Variants in ADHFE1 observed in about 807,000 individuals in gnomAD.
ADHFE1 encodes alcohol dehydrogenase iron containing 1.
Under a neutral mutation model 54.8 loss-of-function variants are expected in ADHFE1, and 37 were observed. The ratio of observed to expected loss-of-function variants is 0.68; its 90% CI spans 0.52 to 0.89. The LOEUF is 0.89. Among genes scored for constraint, ADHFE1 ranks in the 40% least tolerant of loss-of-function variants. ADHFE1 has a pLI of 0.00. For missense variants in ADHFE1, 601 were observed against 591.2 expected (o/e 1.02, Z -0.17); for synonymous variants, 203 against 229.3 (o/e 0.89, Z 1.04).
rs370851456 is a variant in ADHFE1, at chr8:66,439,585, G to C, written c.60-577G>C. ...CTCTGGGGAGCGGCGCGGCGGGGAC[G>C]GAGGAGAGCTCGGAGCCCGGGGCTG... On this transcript the variant is annotated intron_variant, in intron 1 of 13. Transcript: ENST00000396623. The surrounding 1 kb of genome is among the most constrained non-coding windows in gnomAD (Gnocchi z 4.4). 1.0e-6 allele frequency: 1 copy of C among 985,810 alleles called. No homozygotes were observed. The highest frequency in any genetic ancestry group is 1.7e-5 in the African/African-American group (1 of 57,238). 61.1% of individuals were successfully genotyped at this position (985,810 alleles called of 1,614,324 possible).
At chr8:66,452,161 C>T (rs1320400339) in intron 9 of ADHFE1, 56 bp downstream of exon 9, 10 of 1,588,790 alleles carry the variant, frequency 6.3e-6, no homozygotes, top group East Asian at 4.5e-5. Context: ...TCTGCCAGCA[C>T]GTGAAACATG....
intron 13 of ADHFE1, among the ~76,000 whole-genome samples, chr8:66,463,796 G>A (rs1487379298): frequency 6.6e-6 from 1 of 152,172 alleles, no homozygotes; most frequent in Non-Finnish European, 1.5e-5. Flanking sequence ...TTTGATGAAG[G>A]TTCTTTTCTG....
At chr8:66,442,370 G>A (rs1015585456) in intron 2 of ADHFE1, among the ~76,000 whole-genome samples, 10 of 149,746 alleles carry the variant, frequency 6.7e-5, no homozygotes, top group African/African-American at 1.7e-4. Flanking sequence ...GAGTGCAGTG[G>A]CGCGATCTCG....
chr8:66,432,541 G>A lies in ADHFE1; in HGVS notation c.25G>A (p.Val9Ile). The change falls in exon 1 of 14, where the codon GTC becomes ATC. Residue 9 changes from valine (V) to isoleucine (I), a missense_variant. Physicochemically the swap from Val to Ile is conservative, Grantham distance 29. Transcript: ENST00000396623. Reference sequence around the variant, plus strand: ...CATGGCCGCTGCCGCCCGAGCCCGGGTCGCGTACTTGCTGAGGCAACTGCA... The same window carrying A: ...CATGGCCGCTGCCGCCCGAGCCCGGATCGCGTACTTGCTGAGGCAACTGCA... MAAAARAR[V>I]AYLLRQLQRA... 7.3e-7 allele frequency: 1 copy of A among 1,360,550 alleles called. No individual in the cohort carries two copies. Among genetic ancestry groups the A allele is most frequent in the Non-Finnish European group, 9.6e-7 (1 of 1,045,920 alleles). The allele number at this position is 1,360,550 out of a possible 1,614,324, so 84.3% of individuals were successfully genotyped here.
chr8:66,444,156 G>A (rs897505137), intron 3 of ADHFE1, among the ~76,000 whole-genome samples: 1 of 152,214 alleles, frequency 6.6e-6, no homozygotes, highest in African/African-American at 2.4e-5. Flanking sequence ...GAAAAGACAA[G>A]TCATTCAAAT....
chr8:66,464,801 A>G (rs1007511130), intron 13 of ADHFE1, among the ~76,000 whole-genome samples: 2 of 152,142 alleles, frequency 1.3e-5, no homozygotes, highest in African/African-American at 4.8e-5. Flanking sequence ...CATCACCACT[A>G]TCCATTTTCA....
At chr8:66,457,365 C>T (rs186450689) in intron 12 of ADHFE1, among the ~76,000 whole-genome samples, 199 bp downstream of exon 12, 4 of 149,948 alleles carry the variant, frequency 2.7e-5, no homozygotes, top group African/African-American at 9.8e-5. Flanking sequence ...ATAGTCCCAG[C>T]TACTTGGGAG....
chr8:66,433,430 G>C (rs935702353), intron 1 of ADHFE1, among the ~76,000 whole-genome samples: 12 of 152,150 alleles, frequency 7.9e-5, no homozygotes, highest in African/African-American at 2.9e-4. Flanking sequence ...AATACGATGA[G>C]CCCGGCAGTG....
chr8:66,451,650 A>G (rs1806307856), intron 8 of ADHFE1, among the ~76,000 whole-genome samples: 1 of 152,222 alleles, frequency 6.6e-6, no homozygotes, highest in Non-Finnish European at 1.5e-5. Flanking sequence ...TTGTTGCTCA[A>G]ATATATAATT....
Position 66,451,952 on chromosome 8 carries a change from G to A in ADHFE1, c.735-1G>A, listed in dbSNP as rs1328656362. 1 of 1,612,966 alleles carries A rather than the reference G, an allele frequency of 6.2e-7. No individual in the cohort carries two copies. On this transcript the variant is annotated splice_acceptor_variant, in intron 8 of 13. Coordinates refer to ENST00000396623, the MANE Select transcript of ADHFE1 (RefSeq NM_144650.3). LOFTEE classifies it high-confidence loss of function. ...TGTGTACTTTCAATATTTCTTTTTA[G>A]CCATGCCCTGGAGTCATACACCACC...
chr8:66,442,859 T>A lies in ADHFE1; in HGVS notation c.144+15T>A. 6.4e-7 allele frequency: 1 copy of A among 1,553,968 alleles called. No homozygotes were observed. Among genetic ancestry groups the A allele is most frequent in the Non-Finnish European group, 8.7e-7 (1 of 1,155,790 alleles). On this transcript the variant is annotated intron_variant, in intron 3 of 13. Transcript: ENST00000396623. ...ATGCCTTTGAGGTATATTCACTCAA[T>A]CCATTATTTCTTTTATGAATGACTA...
At chr8:66,436,454 A>C (rs1253550291) in intron 1 of ADHFE1, among the ~76,000 whole-genome samples, 1 of 152,114 alleles carries the variant, frequency 6.6e-6, no homozygotes, top group Non-Finnish European at 1.5e-5. Context: ...GGGAGATGGG[A>C]GTGTGGGGCC....
intron 12 of ADHFE1, 134 bp from the exon 13 acceptor site, chr8:66,460,174 C>A: frequency 8.6e-7 from 1 of 1,158,216 alleles, no homozygotes; most frequent in Non-Finnish European, 1.2e-6. Context: ...CCTGGGGAGG[C>A]ACACGATGGC....
chr8:66,467,897 C>A (rs1226008706), intron 13 of ADHFE1, among the ~76,000 whole-genome samples: 1 of 152,212 alleles, frequency 6.6e-6, no homozygotes, highest in Non-Finnish European at 1.5e-5. Flanking sequence ...AATACATGGT[C>A]TTAGACTTCG....
intron 9 of ADHFE1, 69 bp downstream of exon 9, chr8:66,452,174 A>C: frequency 6.4e-7 from 1 of 1,566,378 alleles, no homozygotes; most frequent in South Asian, 1.2e-5. Context: ...GAAACATGAC[A>C]TGCCTGAGCC....
intron 9 of ADHFE1, 54 bp downstream of exon 9, chr8:66,452,159 C>A (rs1806334116): frequency 6.3e-7 from 1 of 1,590,492 alleles, no homozygotes; most frequent in South Asian, 1.1e-5. Flanking sequence ...ATTCTGCCAG[C>A]ACGTGAAACA....
intron 13 of ADHFE1, among the ~76,000 whole-genome samples, chr8:66,463,275 A>T (rs1041551258): frequency 6.6e-6 from 1 of 152,348 alleles, no homozygotes; most frequent in African/African-American, 2.4e-5. Context: ...GAAATCACAG[A>T]TAGCAAAATC....
At chr8:66,441,773 G>T (rs1002472196) in intron 2 of ADHFE1, among the ~76,000 whole-genome samples, 1 of 151,938 alleles carries the variant, frequency 6.6e-6, no homozygotes, top group African/African-American at 2.4e-5. Context: ...GGGGTGGGTG[G>T]ATCACGAGGT....
rs141810934 is a variant in ADHFE1, at chr8:66,463,250, C to T, written c.1320+2785C>T. On this transcript the variant is annotated intron_variant, in intron 13 of 13. Transcript: ENST00000396623. Reference sequence around the variant, plus strand: ...AGGTATCATTCTGAATGCCTCAGTGCACATGCAATACTGGGAAATCACAGA... The same window carrying T: ...AGGTATCATTCTGAATGCCTCAGTGTACATGCAATACTGGGAAATCACAGA... Among the ~76,000 whole-genome samples, 52 of 152,304 alleles carry T rather than the reference C, an allele frequency of 3.4e-4. No individual in the cohort carries two copies. In the East Asian group the frequency reaches 9.5e-3, roughly 28 times the overall value.
Sources: gnomAD v4.1 joint callset for allele counts (sites outside exome capture counted in the v4.1 genomes callset) on GRCh38, gnomAD v4.1.1 for gene constraint, Gnocchi (gnomAD v3.1) non-coding constraint, MANE v1.5 for transcripts, NCBI Gene and HGNC (gene_info 2026-07-23, HGNC 2026-07-21) for gene names.